RBMS3: variants seen among roughly 807,000 people sequenced by gnomAD.
RBMS3 encodes RNA-binding motif, single-stranded-interacting protein 3.
A neutral mutation model predicts 66.8 loss-of-function variants in RBMS3; 27 were observed. That is an observed-to-expected ratio of 0.40 (90% confidence interval 0.30 to 0.56). The LOEUF (loss-of-function observed/expected upper bound fraction) is 0.56. RBMS3 is among the 20% of genes least tolerant of loss of function. The pLI, the probability that RBMS3 is intolerant of heterozygous loss-of-function variation, is 0.40. For synonymous variants in RBMS3, 188 were observed against 183.0 expected (o/e 1.03, Z -0.22); for missense variants, 513 against 549.5 (o/e 0.93, Z 0.66).
At chr3:29,442,991 A>C (rs376076238) in intron 2 of RBMS3, among the ~76,000 whole-genome samples, 1 of 152,134 alleles carries the variant, frequency 6.6e-6, no homozygotes, top group African/African-American at 2.4e-5. Context: ...AGCTATTCTA[A>C]TGACTAATAA....
At chr3:29,491,534 A>G (rs944058966) in intron 3 of RBMS3, among the ~76,000 whole-genome samples, 1 of 152,246 alleles carries the variant, frequency 6.6e-6, no homozygotes, top group African/African-American at 2.4e-5. Context: ...CTGCTTCAAA[A>G]TACTTTTATC....
intron 6 of RBMS3, among the ~76,000 whole-genome samples, chr3:29,780,318 A>AC (rs2056585178): frequency 2.0e-5 from 2 of 100,960 alleles, no homozygotes; most frequent in African/African-American, 6.0e-5. Flanking sequence ...CAGTCAGATA[A>AC]CAAAAAAAAA....
intron 10 of RBMS3, among the ~76,000 whole-genome samples, chr3:29,932,435 C>A (rs981619419): frequency 8.5e-5 from 13 of 152,132 alleles, no homozygotes; most frequent in African/African-American, 3.1e-4. Flanking sequence ...TAGAGTATAT[C>A]AGAATCACCT....
At chr3:29,695,994 G>A (rs569202474) in intron 4 of RBMS3, among the ~76,000 whole-genome samples, 2 of 152,310 alleles carry the variant, frequency 1.3e-5, no homozygotes, top group South Asian at 4.1e-4. Context: ...ACCAAGACCA[G>A]GCTCTAGGAT....
At chr3:29,890,912 A>G (rs1293794846) in intron 8 of RBMS3, among the ~76,000 whole-genome samples, 1 of 151,406 alleles carries the variant, frequency 6.6e-6, no homozygotes, top group Non-Finnish European at 1.5e-5. Flanking sequence ...TTATTTCCAT[A>G]GGACCGTGGA....
chr3:29,959,283 GCTTTTGA>G (rs141672578), intron 12 of RBMS3, among the ~76,000 whole-genome samples: 1,743 of 152,242 alleles, frequency 0.011, 37 homozygotes, highest in African/African-American at 0.04. Context: ...AGGATTCCAA[GCTTTTGA>G]CTTAGCATGT....
At chr3:29,710,806 A>G (rs529242941) in intron 4 of RBMS3, among the ~76,000 whole-genome samples, 17 of 152,292 alleles carry the variant, frequency 1.1e-4, no homozygotes, top group Admixed American at 6.5e-5. Context: ...TGCTCTTTGC[A>G]TATCTTTTTA....
chr3:29,672,293 A>G (rs2051037720), intron 4 of RBMS3, among the ~76,000 whole-genome samples: 2 of 152,238 alleles, frequency 1.3e-5, no homozygotes, highest in Non-Finnish European at 2.9e-5. Context: ...GAAGCAGTAA[A>G]CATGGAAAGG....
At chr3:29,856,536 A>T (rs12635532) in intron 6 of RBMS3, among the ~76,000 whole-genome samples, 1 of 152,186 alleles carries the variant, frequency 6.6e-6, no homozygotes, top group African/African-American at 2.4e-5. Context: ...GATTAAAGTA[A>T]AATTTACACT....
At position 29,535,710 on chromosome 3, in the gene RBMS3, C is replaced by CTTTTTTTTTTTTT. The variant is rs149022808; in HGVS notation, c.307+47230_307+47242dup. On this transcript the variant is annotated intron_variant, in intron 3 of 14. Transcript: ENST00000383767. The stretch of plus-strand genomic sequence containing the variant: ...GAGTTCAATGATTGAGATCATTGCT[C>CTTTTTTTTTTTTT]TTTTTTTTTTTTTTTTTTTTTTTTT... Among the ~76,000 whole-genome samples, 119 of 39,744 alleles carry CTTTTTTTTTTTTT rather than the reference C, an allele frequency of 3.0e-3. 36 individuals carry two copies. The highest frequency in any genetic ancestry group is 3.3e-3 in the Non-Finnish European group (77 of 23,634). The allele number at this position is 39,744 out of a possible 152,430, so 26.1% of individuals were successfully genotyped here. A position where few individuals can be genotyped will look rare whatever the true frequency, so the allele number is the denominator to read the frequency against.
chr3:29,477,373 A>T (rs1003660060), intron 2 of RBMS3, among the ~76,000 whole-genome samples: 1 of 152,116 alleles, frequency 6.6e-6, no homozygotes, highest in Non-Finnish European at 1.5e-5. Flanking sequence ...TTCATGTTCA[A>T]GGTGTAATAT....
chr3:29,296,739 G>A (rs1040262267), intron 1 of RBMS3, among the ~76,000 whole-genome samples: 31 of 151,842 alleles, frequency 2.0e-4, no homozygotes, highest in African/African-American at 7.0e-4. Flanking sequence ...CCAAGAATGT[G>A]TATTTCTGAT....
At chr3:29,965,757 G>A (rs1344037514) in intron 12 of RBMS3, among the ~76,000 whole-genome samples, 1 of 152,006 alleles carries the variant, frequency 6.6e-6, no homozygotes, top group Non-Finnish European at 1.5e-5. Context: ...CTTTATCTTT[G>A]TTTTTATTGC....
chr3:29,421,149 T>C (rs558371280), intron 1 of RBMS3, among the ~76,000 whole-genome samples: 10 of 150,296 alleles, frequency 6.7e-5, no homozygotes, highest in African/African-American at 2.0e-4. Context: ...AAGGCCGTTA[T>C]CACTATTTGC....
At chr3:29,430,732 A>G (rs1194590589) in intron 1 of RBMS3, among the ~76,000 whole-genome samples, 1 of 151,982 alleles carries the variant, frequency 6.6e-6, no homozygotes, top group East Asian at 1.9e-4. Flanking sequence ...AATCTGTGAT[A>G]CATAAAGCTG....
rs543318762 is a variant in RBMS3 at position 29,434,695 on chromosome 3, A to G, written c.76-48A>G. ...TTCAAGTTGTGCTGCTGGCCTGTGAATAGGTGCTGGCTTTTGTTTTTCCAG... is the reference window on the plus strand; with the variant it reads ...TTCAAGTTGTGCTGCTGGCCTGTGAGTAGGTGCTGGCTTTTGTTTTTCCAG... On this transcript the variant is annotated intron_variant, in intron 1 of 14. Coordinates refer to ENST00000383767, the MANE Select transcript of RBMS3 (RefSeq NM_001003793.3). 1.1e-5 allele frequency: 18 copies of G among 1,579,154 alleles called. No individual in the cohort carries two copies. The African/African-American group carries it at 2.3e-4, about 20-fold the overall frequency.
intron 6 of RBMS3, among the ~76,000 whole-genome samples, chr3:29,775,014 C>A (rs987042264): frequency 2.4e-4 from 36 of 151,338 alleles, no homozygotes; most frequent in South Asian, 4.2e-4. Context: ...TGTAAAGAGG[C>A]CCTGAGACAA....
At chr3:29,303,855 G>A (rs926223552) in intron 1 of RBMS3, among the ~76,000 whole-genome samples, 5 of 151,996 alleles carry the variant, frequency 3.3e-5, no homozygotes, top group Non-Finnish European at 5.9e-5. Context: ...CACGTGGCTG[G>A]GGAGGCCTCA....
At chr3:29,542,358 C>T (rs1184612719) in intron 3 of RBMS3, among the ~76,000 whole-genome samples, 3 of 134,586 alleles carry the variant, frequency 2.2e-5, no homozygotes, top group African/African-American at 1.1e-4. Flanking sequence ...ATTATCATCT[C>T]CAATTTTTTT....
Sources: allele counts gnomAD v4.1 joint callset (sites outside exome capture counted in the v4.1 genomes callset), GRCh38; gene constraint gnomAD v4.1.1; transcripts MANE v1.5; gene names NCBI Gene and HGNC (gene_info 2026-07-23, HGNC 2026-07-21).